Variants in TENM3 observed in about 807,000 individuals in gnomAD.
The protein encoded by TENM3 is teneurin-3.
Under a neutral mutation model 255.1 loss-of-function variants are expected in TENM3, and 63 were observed. The observed-to-expected ratio is 0.25, with a 90% confidence interval of 0.20 to 0.30. The LOEUF (loss-of-function observed/expected upper bound fraction) is 0.30. Among genes scored for constraint, TENM3 ranks in the 10% least tolerant of loss-of-function variants. TENM3 has a pLI of 1.00. For synonymous variants in TENM3, 1,306 were observed against 1,322.3 expected (o/e 0.99, Z 0.27); for missense variants, 2,929 against 3,461.1 (o/e 0.85, Z 3.86).
chr4:182,046,895 T>C, the TENM3 span, among the ~76,000 whole-genome samples: 1 of 152,178 alleles, frequency 6.6e-6, no homozygotes, highest in African/African-American at 2.4e-5. Context: ...TCGTCAATGT[T>C]CTTATAGGCA....
At chr4:181,611,733 T>C in the TENM3 span, among the ~76,000 whole-genome samples, 1 of 152,238 alleles carries the variant, frequency 6.6e-6, no homozygotes, top group Non-Finnish European at 1.5e-5. Context: ...AATGCTGCAC[T>C]CAGGGCTACT....
chr4:182,347,025 C>T, intron 3 of TENM3, 96 bp downstream of exon 3: 1 of 1,017,440 alleles, frequency 9.8e-7, no homozygotes, highest in Non-Finnish European at 1.4e-6. Flanking sequence ...TCTCTCCTTC[C>T]TCTCATCCTT....
intron 3 of TENM3, among the ~76,000 whole-genome samples, chr4:182,374,031 A>G (rs566891968): frequency 1.3e-5 from 2 of 151,070 alleles, no homozygotes; most frequent in African/African-American, 4.9e-5. Context: ...ACCAGTGTGT[A>G]TAGTATATAT....
the TENM3 span, among the ~76,000 whole-genome samples, chr4:181,458,151 T>A: frequency 6.6e-6 from 1 of 151,918 alleles, no homozygotes; most frequent in African/African-American, 2.4e-5. Flanking sequence ...TCCTCATATA[T>A]AGTGTTAGCT....
At chr4:181,559,422 G>C in the TENM3 span, among the ~76,000 whole-genome samples, 48,378 of 152,052 alleles carry the variant, frequency 0.32, 8,525 homozygotes, top group Non-Finnish European at 0.41. Context: ...GCTTGGAGTA[G>C]TGATTAAAGG....
At position 182,601,085 on chromosome 4, in the gene TENM3, G is replaced by A. The variant is rs769986977; in HGVS notation, c.673G>A (p.Glu225Lys). Reference protein sequence around the residue: ...SPAPPAALPAELQTTPESVQL... With the variant: ...SPAPPAALPAKLQTTPESVQL... ...GGCCCCGCCGGCTGCTTTGCCCGCCGAGCTGCAAACCACACCCGAGTCCGT... is the reference window on the plus strand; with the variant it reads ...GGCCCCGCCGGCTGCTTTGCCCGCCAAGCTGCAAACCACACCCGAGTCCGT... Residue 225 changes from glutamate (E) to lysine (K), a missense_variant, in exon 4 of 28, where the codon GAG becomes AAG. Physicochemically the swap from Glu to Lys is moderately conservative, Grantham distance 56. This residue lies in a region of TENM3 where 1,608 missense variants were observed against 1,884.4 expected (regional missense o/e 0.85). Coordinates refer to ENST00000511685, the MANE Select transcript of TENM3 (RefSeq NM_001080477.4). 5 of 1,613,728 alleles carry A rather than the reference G, an allele frequency of 3.1e-6. No homozygotes were observed. The highest frequency in any genetic ancestry group is 1.7e-5 in the Admixed American group (1 of 60,008).
At chr4:182,395,437 A>G (rs763068597) in intron 3 of TENM3, among the ~76,000 whole-genome samples, 3 of 152,214 alleles carry the variant, frequency 2.0e-5, no homozygotes, top group Non-Finnish European at 4.4e-5. Context: ...TGTGGCCCTC[A>G]GGGCTAAATA....
the TENM3 span, among the ~76,000 whole-genome samples, chr4:182,100,872 T>C: frequency 1.3e-5 from 1 of 76,882 alleles, no homozygotes; most frequent in Admixed American, 1.5e-4. Flanking sequence ...TATATATATA[T>C]ATAGAGAGAG....
chr4:182,364,510 G>A (rs150388212), intron 3 of TENM3, among the ~76,000 whole-genome samples: 84 of 152,066 alleles, frequency 5.5e-4, no homozygotes, highest in African/African-American at 2.0e-3. Flanking sequence ...TCCGTCTTCC[G>A]GGTTCACGCC....
At chr4:182,166,362 C>G (rs1251198622) in intron 1 of TENM3, among the ~76,000 whole-genome samples, 1 of 152,180 alleles carries the variant, frequency 6.6e-6, no homozygotes, top group Non-Finnish European at 1.5e-5. Context: ...AACAGTGTGT[C>G]TGGAGGGCCC....
intron 22 of TENM3, among the ~76,000 whole-genome samples, chr4:182,759,382 A>T (rs1419607845): frequency 6.6e-6 from 1 of 152,226 alleles, no homozygotes; most frequent in Non-Finnish European, 1.5e-5. Context: ...GCATTTGCCA[A>T]CGCTCCACTG....
chr4:181,640,193 C>T, the TENM3 span, among the ~76,000 whole-genome samples: 1 of 152,102 alleles, frequency 6.6e-6, no homozygotes, highest in Non-Finnish European at 1.5e-5. Context: ...AATGCCAATT[C>T]TCAGTCCCTA....
chr4:181,851,386 A>G, the TENM3 span, among the ~76,000 whole-genome samples: 1 of 152,114 alleles, frequency 6.6e-6, no homozygotes, highest in Non-Finnish European at 1.5e-5. Flanking sequence ...CACAACCCTC[A>G]TGGGATAGAT....
intron 6 of TENM3, among the ~76,000 whole-genome samples, chr4:182,668,643 A>G (rs953282876): frequency 6.6e-6 from 1 of 152,200 alleles, no homozygotes; most frequent in African/African-American, 2.4e-5. Flanking sequence ...TATATATGGG[A>G]CTAACAGGAT....
At chr4:182,106,189 C>T in the TENM3 span, among the ~76,000 whole-genome samples, 15 of 152,246 alleles carry the variant, frequency 9.9e-5, no homozygotes, top group South Asian at 6.2e-4. Flanking sequence ...CTGCGGGGCA[C>T]GGTGGCTCAT....
At chr4:181,556,003 A>G in the TENM3 span, among the ~76,000 whole-genome samples, 1 of 152,198 alleles carries the variant, frequency 6.6e-6, no homozygotes, top group Non-Finnish European at 1.5e-5. Flanking sequence ...GACAAGTTCA[A>G]AAAGCATTCA....
the TENM3 span, among the ~76,000 whole-genome samples, chr4:181,788,131 T>A: frequency 4.9e-4 from 75 of 152,068 alleles, no homozygotes; most frequent in Admixed American, 9.2e-4. Flanking sequence ...TTTTATGGAG[T>A]TTGGTTTCAC....
the TENM3 span, among the ~76,000 whole-genome samples, chr4:181,679,267 T>G: frequency 6.6e-6 from 1 of 152,118 alleles, no homozygotes; most frequent in Non-Finnish European, 1.5e-5. Context: ...TCTTTAAATC[T>G]TCTTCCACCA....
chr4:182,374,384 T>C (rs2150878935), intron 3 of TENM3, among the ~76,000 whole-genome samples: 1 of 152,320 alleles, frequency 6.6e-6, no homozygotes, highest in African/African-American at 2.4e-5. Flanking sequence ...ACTAAACATA[T>C]TCTCTCTCTT....
Sources: gnomAD v4.1 joint callset for allele counts (sites outside exome capture counted in the v4.1 genomes callset) on GRCh38, gnomAD v4.1.1 for gene constraint, gnomAD v4.1.1 regional missense constraint, MANE v1.5 for transcripts, NCBI Gene and HGNC (gene_info 2026-07-23, HGNC 2026-07-21) for gene names.